SH3BP5: variants seen among roughly 807,000 people sequenced by gnomAD.
SH3BP5 encodes SH3 domain-binding protein 5.
Under a neutral mutation model 43.3 loss-of-function variants are expected in SH3BP5, and 22 were observed. That is an observed-to-expected ratio of 0.51 (90% CI 0.36 to 0.73). SH3BP5 has a LOEUF of 0.73. Among genes scored for constraint, SH3BP5 ranks in the 30% least tolerant of loss-of-function variants. The probability of loss-of-function intolerance (pLI) is 0.00; values close to 1 mark genes in which losing one functional copy is unlikely to be tolerated. For missense variants in SH3BP5, 529 were observed against 586.9 expected (o/e 0.90, Z 1.02); for synonymous variants, 255 against 225.8 (o/e 1.13, Z -1.16).
Position 15,258,842 on chromosome 3 carries a change from T to C in SH3BP5, c.878A>G (p.Asp293Gly). Residue 293 changes from aspartate (D) to glycine (G), a missense_variant, in exon 7 of 9, where the codon GAT (aspartate) becomes GGT (glycine). Physicochemically the swap from Asp to Gly is moderately conservative, Grantham distance 94. Coordinates refer to ENST00000383791, the MANE Select transcript of SH3BP5 (RefSeq NM_004844.5). ...AGCCCCTGACTTACCAGAAATGGCA[T>C]CAGGCTCAGGTTTGCTCCCTGGCAG... is the stretch of plus-strand genomic sequence containing the variant. ...EDLPGSKPEP[D>G]AISVASEAFE... 2 of 1,613,878 alleles carry C rather than the reference T, an allele frequency of 1.2e-6. No individual in the cohort carries two copies. Among genetic ancestry groups the C allele is most frequent in the Non-Finnish European group, 1.7e-6 (2 of 1,179,942 alleles).
intron 2 of SH3BP5, among the ~76,000 whole-genome samples, chr3:15,325,332 T>C (rs902457929): frequency 2.0e-5 from 3 of 152,254 alleles, no homozygotes; most frequent in African/African-American, 7.2e-5. Context: ...TCTGACTCAC[T>C]GCCTCCTCTT....
chr3:15,317,216 T>A (rs1252474043), intron 2 of SH3BP5, among the ~76,000 whole-genome samples: 1 of 152,228 alleles, frequency 6.6e-6, no homozygotes, highest in Non-Finnish European at 1.5e-5. Context: ...CACTTTATAA[T>A]TAGCACAAGT....
intron 2 of SH3BP5, among the ~76,000 whole-genome samples, chr3:15,327,480 C>A (rs1698494019): frequency 6.6e-6 from 1 of 152,208 alleles, no homozygotes; most frequent in South Asian, 2.1e-4. Context: ...GGCATACTCC[C>A]CTTGACCACC....
At chr3:15,304,397 C>T in intron 2 of SH3BP5, 166 bp from the exon 3 acceptor site, 1 of 1,058,630 alleles carries the variant, frequency 9.4e-7, no homozygotes, top group Non-Finnish European at 1.4e-6. Context: ...CCCAAAACAG[C>T]TTCCTGCCAC....
At chr3:15,273,882 TA>T (rs997081132) in intron 3 of SH3BP5, among the ~76,000 whole-genome samples, 1 of 152,182 alleles carries the variant, frequency 6.6e-6, no homozygotes, top group African/African-American at 2.4e-5. Flanking sequence ...CCCTAATCCC[TA>T]ATGTGATTAT....
chr3:15,258,063 G>GTA (rs1696287982), intron 7 of SH3BP5: 1 of 152,184 alleles, frequency 6.6e-6, no homozygotes, highest in African/African-American at 2.4e-5. Flanking sequence ...CTCATACATA[G>GTA]TAGTTGTTCA....
chr3:15,339,315 T>C (rs1698736756), intron 1 of SH3BP5, among the ~76,000 whole-genome samples: 1 of 152,136 alleles, frequency 6.6e-6, no homozygotes, highest in Non-Finnish European at 1.5e-5. Flanking sequence ...CCACAGCACC[T>C]AGAGAATCCA....
At chr3:15,292,731 G>C (rs9872123) in intron 3 of SH3BP5, among the ~76,000 whole-genome samples, 35,329 of 152,046 alleles carry the variant, frequency 0.23, 8,296 homozygotes, top group African/African-American at 0.6. Context: ...GCCTGTAATC[G>C]CAGCTACTCG....
At chr3:15,289,775 A>T (rs1363283013) in intron 3 of SH3BP5, among the ~76,000 whole-genome samples, 2 of 152,128 alleles carry the variant, frequency 1.3e-5, no homozygotes, top group Non-Finnish European at 2.9e-5. Context: ...CTAATACGGC[A>T]TCTTACACCT....
intron 3 of SH3BP5, among the ~76,000 whole-genome samples, chr3:15,290,525 CAAAAAAA>C (rs3031239): frequency 4.1e-4 from 23 of 56,298 alleles, no homozygotes; most frequent in East Asian, 1.4e-3. Context: ...GACTCTGTCC[CAAAAAAA>C]AAAAAAAAAA....
chr3:15,258,915 G>A lies in SH3BP5; in HGVS notation c.805C>T (p.Arg269Trp), dbSNP rs770323940. ...ERRRSSAMGP[R>W]GCGVGAEGSS... is the part of the protein sequence containing the mutation. ...CCCTCAGCACCAACACCGCATCCCC[G>A]AGGCCCCATGGCACTGGAGCGCCGC... The change falls in exon 7 of 9, where the codon CGG (arginine) becomes TGG (tryptophan). Residue 269 changes from arginine to tryptophan, a missense_variant. Physicochemically the swap from Arg to Trp is moderately radical, Grantham distance 101 (BLOSUM62 -3). This residue lies in a region of SH3BP5 where 369 missense variants were observed against 384.3 expected (regional missense o/e 0.96). Coordinates refer to ENST00000383791, the MANE Select transcript of SH3BP5 (RefSeq NM_004844.5). The A allele has an allele frequency of 1.9e-6, 3 of 1,614,032 alleles. No homozygotes were observed. Among genetic ancestry groups the A allele is most frequent in the African/African-American group, 1.3e-5 (1 of 74,906 alleles).
chr3:15,286,650 C>A (rs1164417288), intron 3 of SH3BP5, among the ~76,000 whole-genome samples: 1 of 152,202 alleles, frequency 6.6e-6, no homozygotes, highest in African/African-American at 2.4e-5. Context: ...ACCTCCTGGG[C>A]TCCAGAGATC....
chr3:15,269,309 C>A (rs1264729544), intron 4 of SH3BP5, among the ~76,000 whole-genome samples: 1 of 152,152 alleles, frequency 6.6e-6, no homozygotes, highest in Admixed American at 6.5e-5. Context: ...AGCACATACC[C>A]GAAGTGCAGC....
chr3:15,291,593 C>T (rs1697414346), intron 3 of SH3BP5, among the ~76,000 whole-genome samples: 1 of 152,144 alleles, frequency 6.6e-6, no homozygotes, highest in African/African-American at 2.4e-5. Flanking sequence ...CAAGGACATC[C>T]CACTGGGTAG....
At chr3:15,287,672 G>C (rs1402127695) in intron 3 of SH3BP5, among the ~76,000 whole-genome samples, 1 of 152,150 alleles carries the variant, frequency 6.6e-6, no homozygotes, top group African/African-American at 2.4e-5. Context: ...GAACATCACA[G>C]AGCTAGTCAG....
At chr3:15,316,719 G>A (rs1444039668) in intron 2 of SH3BP5, among the ~76,000 whole-genome samples, 1 of 107,734 alleles carries the variant, frequency 9.3e-6, no homozygotes, top group African/African-American at 3.7e-5. Context: ...TTACTCATCT[G>A]CTATGAAATG....
intron 4 of SH3BP5, among the ~76,000 whole-genome samples, chr3:15,268,091 C>T (rs758139067): frequency 1.4e-4 from 21 of 152,192 alleles, no homozygotes; most frequent in Non-Finnish European, 2.8e-4. Context: ...TTCTAGCCCA[C>T]GTCTAGCTCT....
chr3:15,264,551 G>C (rs1038104130), intron 4 of SH3BP5: 1 of 152,156 alleles, frequency 6.6e-6, no homozygotes, highest in Admixed American at 6.5e-5. Context: ...TTTAACAAAG[G>C]CTTCAGTGCT....
At position 15,256,245 on chromosome 3, in the gene SH3BP5, G is replaced by A; in HGVS notation, c.1209C>T (p.Gly403=). The A allele has an allele frequency of 1.9e-6, 3 of 1,614,180 alleles. No individual in the cohort carries two copies. The highest frequency in any genetic ancestry group is 1.7e-6 in the Non-Finnish European group (2 of 1,180,026). ...CACCACTGCCACTGCTACTGCTGAG[G>A]CCCCGGTTGTTGTTGGCTTTGTCAC... ...KTSDKANNNR[G]LSSSSGSGGS... Residue 403 remains glycine (G), a synonymous_variant, in exon 9 of 9, where the codon GGC becomes GGT. Coordinates refer to ENST00000383791, the MANE Select transcript of SH3BP5 (RefSeq NM_004844.5).
Sources: allele counts gnomAD v4.1 joint callset (sites outside exome capture counted in the v4.1 genomes callset), GRCh38; gene constraint gnomAD v4.1.1; regional missense constraint gnomAD v4.1.1; transcripts MANE v1.5; gene names NCBI Gene and HGNC (gene_info 2026-07-23, HGNC 2026-07-21).